ZNF292: variants seen among roughly 807,000 people sequenced by gnomAD.
ZNF292 encodes zinc finger protein 292, also known as 16 zinc-finger domain protein.
A neutral mutation model predicts 217.9 loss-of-function variants in ZNF292; 26 were observed. The observed-to-expected ratio is 0.12, with a 90% CI of 0.09 to 0.17. The LOEUF is 0.17. Among genes scored for constraint, ZNF292 ranks in the 10% least tolerant of loss-of-function variants. The pLI is 1.00. For missense variants in ZNF292, 2,904 were observed against 3,175.2 expected (o/e 0.91, Z 2.05); for synonymous variants, 1,257 against 1,124.1 (o/e 1.12, Z -2.37).
At chr6:87,210,369 A>G (rs1772432803) in intron 1 of ZNF292, among the ~76,000 whole-genome samples, 1 of 152,180 alleles carries the variant, frequency 6.6e-6, no homozygotes, top group African/African-American at 2.4e-5. Flanking sequence ...AAGTCTCCTT[A>G]AGAGGGGACA....
rs546311040 is a variant in ZNF292, at chr6:87,226,973, C to T, written c.539-6352C>T. On this transcript the variant is annotated intron_variant, in intron 4 of 7. Coordinates refer to ENST00000369577, the MANE Select transcript of ZNF292 (RefSeq NM_015021.3). ...GGGATTACAAACGTGTGCCACCATG[C>T]CTGGCTTTAATGGGTATATTTTATA... is the stretch of plus-strand genomic sequence containing the variant. Among the ~76,000 whole-genome samples the T allele has an allele frequency of 2.6e-5, 4 of 152,088 alleles. No individual in the cohort carries two copies. In the South Asian group the frequency reaches 8.3e-4, roughly 32 times the overall value.
intron 1 of ZNF292, among the ~76,000 whole-genome samples, chr6:87,178,199 T>C (rs1208124195): frequency 7.5e-6 from 1 of 134,054 alleles, no homozygotes; most frequent in African/African-American, 3.1e-5. Flanking sequence ...ATGTTTTTCA[T>C]AGTTTCTTTG....
intron 1 of ZNF292, among the ~76,000 whole-genome samples, chr6:87,176,387 T>C (rs73751987): frequency 0.011 from 1,685 of 152,302 alleles, 36 homozygotes; most frequent in African/African-American, 0.037. Flanking sequence ...AGATTCTTAA[T>C]GTTCCTGTGT....
In ZNF292 at chr6:87,259,977, T is replaced by C; in HGVS notation, c.6348T>C (p.Cys2116=). 6.2e-7 allele frequency: 1 copy of C among 1,613,646 alleles called. No individual in the cohort carries two copies. The highest frequency in any genetic ancestry group is 1.3e-5 in the African/African-American group (1 of 75,018). The part of the protein sequence containing the change: ...TRYSPYRPYR[C]VHQGCFAAFT... ...ACAGTCCTTACAGACCTTATCGATGTGTTCACCAGGGATGCTTTGCTGCCT... is the reference window on the plus strand; with the variant it reads ...ACAGTCCTTACAGACCTTATCGATGCGTTCACCAGGGATGCTTTGCTGCCT... Residue 2116 remains cysteine (C), a synonymous_variant, in exon 8 of 8, where the codon TGT becomes TGC. Coordinates refer to ENST00000369577, the MANE Select transcript of ZNF292 (RefSeq NM_015021.3).
intron 4 of ZNF292, among the ~76,000 whole-genome samples, chr6:87,233,016 T>A (rs1029468193): frequency 2.0e-5 from 3 of 152,000 alleles, no homozygotes; most frequent in Non-Finnish European, 4.4e-5. Flanking sequence ...GGAAAAAAAA[T>A]TAGTGTAATT....
intron 4 of ZNF292, chr6:87,223,049 GTTTTGAGGTT>G (rs1033424005): frequency 6.8e-5 from 13 of 190,974 alleles, no homozygotes; most frequent in Non-Finnish European, 1.0e-4. Flanking sequence ...ACTTATCACT[GTTTTGAGGTT>G]TTTTGAGGTT....
In ZNF292 at chr6:87,260,000, C is replaced by G. The variant is rs780570786; in HGVS notation, c.6371C>G (p.Ala2124Gly). 1.9e-6 allele frequency: 3 copies of G among 1,613,558 alleles called. No homozygotes were observed. Among genetic ancestry groups the G allele is most frequent in the Non-Finnish European group, 2.5e-6 (3 of 1,179,644 alleles). Residue 2124 changes from alanine (A) to glycine (G), a missense_variant, in exon 8 of 8, where the codon GCC (alanine) becomes GGC (glycine). Transcript: ENST00000369577. ...TGTGTTCACCAGGGATGCTTTGCTG[C>G]CTTTACGATACAGCAAAACTTGATT... The part of the protein sequence containing the change: ...YRCVHQGCFA[A>G]FTIQQNLILH...
At chr6:87,237,922 C>T (rs1419917751) in intron 5 of ZNF292, among the ~76,000 whole-genome samples, 1 of 152,154 alleles carries the variant, frequency 6.6e-6, no homozygotes, top group Non-Finnish European at 1.5e-5. Context: ...GGCTATGTTT[C>T]ACTTTTCATG....
At chr6:87,212,670 G>C (rs967419765) in intron 1 of ZNF292, among the ~76,000 whole-genome samples, 4 of 152,180 alleles carry the variant, frequency 2.6e-5, no homozygotes, top group Admixed American at 6.5e-5. Flanking sequence ...CATCCCTTTT[G>C]ATTGAATGGT....
chr6:87,259,322 T>G lies in ZNF292; in HGVS notation c.5693T>G (p.Val1898Gly). The G allele has an allele frequency of 6.2e-7, 1 of 1,613,508 alleles. No homozygotes were observed. The highest frequency in any genetic ancestry group is 8.5e-7 in the Non-Finnish European group (1 of 1,179,648). The change falls in exon 8 of 8, where the codon GTT becomes GGT. Residue 1898 changes from valine to glycine, a missense_variant. Coordinates refer to ENST00000369577, the MANE Select transcript of ZNF292 (RefSeq NM_015021.3). Reference protein sequence around the residue: ...EMINIQFNDKVNKPFVCQNQG... With the variant: ...EMINIQFNDKGNKPFVCQNQG... The stretch of plus-strand genomic sequence containing the variant: ...ATAAACATTCAATTTAATGACAAAG[T>G]TAATAAACCCTTTGTGTGTCAAAAC...
At chr6:87,200,602 G>A (rs1364991338) in intron 1 of ZNF292, among the ~76,000 whole-genome samples, 1 of 152,230 alleles carries the variant, frequency 6.6e-6, no homozygotes, top group African/African-American at 2.4e-5. Flanking sequence ...CTAGTTTATA[G>A]CAAAGAATAT....
chr6:87,251,716 C>T (rs1774928897), intron 7 of ZNF292, among the ~76,000 whole-genome samples: 1 of 152,098 alleles, frequency 6.6e-6, no homozygotes, highest in Non-Finnish European at 1.5e-5. Context: ...GCTGTATAGC[C>T]AGTTTATGAT....
intron 4 of ZNF292, among the ~76,000 whole-genome samples, chr6:87,227,057 T>C (rs1164004867): frequency 6.6e-6 from 1 of 152,204 alleles, no homozygotes; most frequent in East Asian, 1.9e-4. Context: ...AATTAAATCT[T>C]ATTTTACGCA....
At chr6:87,162,177 A>G (rs1770774530) in intron 1 of ZNF292, among the ~76,000 whole-genome samples, 1 of 152,164 alleles carries the variant, frequency 6.6e-6, no homozygotes, top group African/African-American at 2.4e-5. Context: ...AGGAGGTACT[A>G]TTTGAGCTAG....
At chr6:87,250,029 A>C (rs924841436) in intron 7 of ZNF292, among the ~76,000 whole-genome samples, 1 of 140,908 alleles carries the variant, frequency 7.1e-6, no homozygotes, top group Non-Finnish European at 1.5e-5. Context: ...CCCTTAAAAA[A>C]AAAAAAACAA....
intron 5 of ZNF292, among the ~76,000 whole-genome samples, chr6:87,239,564 C>T (rs1300001356): frequency 3.0e-4 from 44 of 148,550 alleles, no homozygotes; most frequent in South Asian, 4.3e-4. Context: ...GGGCGGCTGC[C>T]GGGCGGAGAC....
chr6:87,155,861 C>A, intron 1 of ZNF292, 102 bp downstream of exon 1: 2 of 1,376,734 alleles, frequency 1.5e-6, no homozygotes, highest in East Asian at 2.6e-5. Context: ...TCCTTGGCAT[C>A]ATCGGCGCCT....
chr6:87,157,211 C>T (rs1166380158), intron 1 of ZNF292, among the ~76,000 whole-genome samples: 1 of 152,098 alleles, frequency 6.6e-6, no homozygotes, highest in Non-Finnish European at 1.5e-5. Flanking sequence ...CAAGTGGTGA[C>T]GTCTAGGAGG....
Position 87,254,889 on chromosome 6 carries a change from G to T in ZNF292, c.1260G>T (p.Glu420Asp), listed in dbSNP as rs1775127800. 1 of 1,613,676 alleles carries T rather than the reference G, an allele frequency of 6.2e-7. No individual in the cohort carries two copies. The highest frequency in any genetic ancestry group is 1.1e-5 in the South Asian group (1 of 91,072). Residue 420 changes from glutamate (E) to aspartate (D), a missense_variant, in exon 8 of 8, where the codon GAG becomes GAT. Physicochemically the swap from Glu to Asp is conservative, Grantham distance 45. Transcript: ENST00000369577. ...YNQPDQKYDE[E>D]NLPIPNSLRC... ...AGCCAGACCAGAAATATGATGAAGAGAATCTTCCAATACCAAATTCTTTAC... is the reference window on the plus strand; with the variant it reads ...AGCCAGACCAGAAATATGATGAAGATAATCTTCCAATACCAAATTCTTTAC...
Sources: gnomAD v4.1 joint callset for allele counts (sites outside exome capture counted in the v4.1 genomes callset) on GRCh38, gnomAD v4.1.1 for gene constraint, MANE v1.5 for transcripts, NCBI Gene and HGNC (gene_info 2026-07-23, HGNC 2026-07-21) for gene names.